Variants in OLFM2 observed in about 807,000 individuals in gnomAD.
OLFM2 encodes olfactomedin 2, also known as noelin-2.
In OLFM2, 20 loss-of-function variants were observed where a neutral mutation model predicts 43.9. That is an observed-to-expected ratio of 0.46 (90% CI 0.32 to 0.66). The LOEUF (loss-of-function observed/expected upper bound fraction) is 0.66, where lower values mean the gene tolerates loss of function less well. Among genes scored for constraint, OLFM2 ranks in the 30% least tolerant of loss-of-function variants. OLFM2 has a pLI of 0.04. For synonymous variants in OLFM2, 268 were observed against 278.6 expected (o/e 0.96, Z 0.38); for missense variants, 416 against 643.6 (o/e 0.65, Z 3.83).
intron 1 of OLFM2, among the ~76,000 whole-genome samples, chr19:9,909,321 T>A (rs1167327086): frequency 2.0e-5 from 3 of 152,254 alleles, no homozygotes; most frequent in Middle Eastern, 3.4e-3. Context: ...CTCGAAATGA[T>A]GTCCGTGGCT....
chr19:9,932,915 C>G (rs2086492263), intron 1 of OLFM2, among the ~76,000 whole-genome samples: 1 of 152,096 alleles, frequency 6.6e-6, no homozygotes, highest in Non-Finnish European at 1.5e-5. Context: ...TCTGACAGGC[C>G]CTGCTTTCCT....
At chr19:9,895,659 C>T (rs905643533) in intron 1 of OLFM2, among the ~76,000 whole-genome samples, 1 of 151,756 alleles carries the variant, frequency 6.6e-6, no homozygotes, top group Non-Finnish European at 1.5e-5. Flanking sequence ...ATTTTTAGAC[C>T]GAGTCTCGCT....
chr19:9,895,560 C>T (rs912546876), intron 1 of OLFM2, among the ~76,000 whole-genome samples: 6 of 151,992 alleles, frequency 3.9e-5, no homozygotes, highest in Non-Finnish European at 7.4e-5. Flanking sequence ...AAAGTCTATT[C>T]GGTCTACCTC....
chr19:9,888,992 G>C (rs2046614364), intron 1 of OLFM2, among the ~76,000 whole-genome samples: 1 of 152,108 alleles, frequency 6.6e-6, no homozygotes, highest in Non-Finnish European at 1.5e-5. Context: ...CTTGAAGCCG[G>C]GAGGCAGAGG....
chr19:9,894,985 C>T (rs772293173), intron 1 of OLFM2, among the ~76,000 whole-genome samples: 1 of 152,106 alleles, frequency 6.6e-6, no homozygotes, highest in Non-Finnish European at 1.5e-5. Flanking sequence ...AGCCTTCCCT[C>T]CCTAACCTAG....
chr19:9,897,454 C>T (rs1260334626), intron 1 of OLFM2, among the ~76,000 whole-genome samples: 1 of 151,924 alleles, frequency 6.6e-6, no homozygotes, highest in Non-Finnish European at 1.5e-5. Context: ...GCTGGGATCG[C>T]GCCACTGCAC....
chr19:9,911,805 G>T (rs2046829679), intron 1 of OLFM2, among the ~76,000 whole-genome samples: 1 of 152,142 alleles, frequency 6.6e-6, no homozygotes, highest in African/African-American at 2.4e-5. Context: ...TTCAATGGTG[G>T]TAGAGGGAAA....
chr19:9,901,418 T>C (rs998645767), intron 1 of OLFM2, among the ~76,000 whole-genome samples: 1 of 150,694 alleles, frequency 6.6e-6, no homozygotes, highest in African/African-American at 2.5e-5. Context: ...AGAGTGAGAC[T>C]CTGTCTCAAA....
intron 1 of OLFM2, among the ~76,000 whole-genome samples, chr19:9,902,270 C>T (rs955967201): frequency 6.6e-6 from 1 of 151,946 alleles, no homozygotes; most frequent in Non-Finnish European, 1.5e-5. Flanking sequence ...CCTCGTGATT[C>T]GCCCACCTCA....
At position 9,858,022 on chromosome 19, in the gene OLFM2, C is replaced by T. The variant is rs540697965; in HGVS notation, c.214-161G>A. 84 of 833,484 alleles carry T rather than the reference C, an allele frequency of 1.0e-4. No individual in the cohort carries two copies. The African/African-American group carries it at 1.2e-3, about 12-fold the overall frequency. 51.6% of individuals were successfully genotyped at this position (833,484 alleles called of 1,614,324 possible). ...TTACCAGCAGCCTCCCAATTGCGTG[C>T]CCAATCCATCCATCCATCGCTCCCT... On this transcript the variant is annotated intron_variant, in intron 2 of 5. Transcript: ENST00000264833.
chr19:9,871,050 A>G (rs1243744911), intron 1 of OLFM2, among the ~76,000 whole-genome samples: 1 of 151,730 alleles, frequency 6.6e-6, no homozygotes. Flanking sequence ...CAGGCAGATC[A>G]CTCTAGGTCA....
chr19:9,859,569 AG>A (rs1178215926), intron 2 of OLFM2, among the ~76,000 whole-genome samples: 15 of 152,216 alleles, frequency 9.9e-5, no homozygotes, highest in African/African-American at 3.4e-4. Context: ...CTGGGATTAC[AG>A]GCGTGAGCTA....
At chr19:9,868,271 A>G (rs1438253131) in intron 1 of OLFM2, among the ~76,000 whole-genome samples, 6 of 152,130 alleles carry the variant, frequency 3.9e-5, no homozygotes, top group Non-Finnish European at 7.4e-5. Context: ...CATGTTGGCC[A>G]GGCTGGTCTT....
intron 1 of OLFM2, among the ~76,000 whole-genome samples, chr19:9,914,374 T>G (rs1342197018): frequency 6.6e-6 from 1 of 152,078 alleles, no homozygotes; most frequent in Admixed American, 6.5e-5. Flanking sequence ...GGAAGGGGCT[T>G]CCTTCCCGGG....
chr19:9,921,245 TAGC>T (rs2086417916), intron 1 of OLFM2, among the ~76,000 whole-genome samples: 1 of 151,838 alleles, frequency 6.6e-6, no homozygotes, highest in Non-Finnish European at 1.5e-5. Context: ...ACCTTCCGAG[TAGC>T]TGGGACTACA....
At chr19:9,909,325 C>A (rs7251521) in intron 1 of OLFM2, among the ~76,000 whole-genome samples, 1 of 151,484 alleles carries the variant, frequency 6.6e-6, no homozygotes, top group Admixed American at 6.6e-5. Context: ...AAATGATGTC[C>A]GTGGCTGGCA....
rs2046332145 is a variant in OLFM2, at chr19:9,857,621, A to G, written c.360+94T>C. ...TGACATGTGGCTCATATTGGACCCT[A>G]GATTCTTCCCAGACATGACTCCATT... On this transcript the variant is annotated intron_variant, in intron 3 of 5. Transcript: ENST00000264833. This position sits in a 1 kb window ranked among gnomAD's most constrained non-coding sequence, Gnocchi z 5.7. The G allele has an allele frequency of 8.2e-6, 13 of 1,587,464 alleles. No homozygotes were observed. The highest frequency in any genetic ancestry group is 1.1e-5 in the Non-Finnish European group (13 of 1,157,992).
Position 9,856,859 on chromosome 19 carries a change from G to A in OLFM2, c.635C>T (p.Ser212Phe). The A allele has an allele frequency of 6.2e-7, 1 of 1,613,774 alleles. No homozygotes were observed. Among genetic ancestry groups the A allele is most frequent in the Non-Finnish European group, 8.5e-7 (1 of 1,179,886 alleles). Reference sequence around the variant, plus strand: ...GTCAGTCATCCAGGAGCCGAAGCGGGACCCCATGGCCCGAACGGTGATGGG... The same window carrying A: ...GTCAGTCATCCAGGAGCCGAAGCGGAACCCCATGGCCCGAACGGTGATGGG... ...SNPITVRAMG[S>F]RFGSWMTDTM... The change falls in exon 5 of 6, where the codon TCC (serine) becomes TTC (phenylalanine). Residue 212 changes from serine to phenylalanine, a missense_variant. Ser to Phe is a radical substitution (Grantham distance 155). Coordinates refer to ENST00000264833, the MANE Select transcript of OLFM2 (RefSeq NM_058164.4). This position sits in a 1 kb window ranked among gnomAD's most constrained non-coding sequence, Gnocchi z 4.0.
At chr19:9,896,843 TC>T (rs2144970732) in intron 1 of OLFM2, among the ~76,000 whole-genome samples, 1 of 152,304 alleles carries the variant, frequency 6.6e-6, no homozygotes, top group African/African-American at 2.4e-5. Flanking sequence ...GCGCCACACA[TC>T]CATGTCTGTT....
Sources: allele counts gnomAD v4.1 joint callset (sites outside exome capture counted in the v4.1 genomes callset), GRCh38; gene constraint gnomAD v4.1.1; non-coding constraint Gnocchi (gnomAD v3.1); transcripts MANE v1.5; gene names NCBI Gene and HGNC (gene_info 2026-07-23, HGNC 2026-07-21).